Variants in ANKRD44 observed in about 807,000 individuals in gnomAD.
ANKRD44 encodes ankyrin repeat domain 44, also known as serine/threonine-protein phosphatase 6 regulatory ankyrin repeat subunit B.
In ANKRD44, 35 loss-of-function variants were observed where a neutral mutation model predicts 116.0. The observed-to-expected ratio is 0.30, with a 90% confidence interval of 0.23 to 0.40. The LOEUF (loss-of-function observed/expected upper bound fraction) is 0.40, where lower values mean the gene tolerates loss of function less well. ANKRD44 is among the 10% of genes least tolerant of loss of function. The pLI, the probability that ANKRD44 is intolerant of heterozygous loss-of-function variation, is 1.00. For synonymous variants in ANKRD44, 435 were observed against 461.8 expected (o/e 0.94, Z 0.74); for missense variants, 1,014 against 1,242.6 (o/e 0.82, Z 2.77).
intron 16 of ANKRD44, among the ~76,000 whole-genome samples, chr2:197,037,914 C>A (rs1189413860): frequency 2.6e-5 from 4 of 152,006 alleles, no homozygotes; most frequent in Non-Finnish European, 5.9e-5. Flanking sequence ...TGTACTCCAG[C>A]CTGGGCAACA....
chr2:197,127,979 T>A (rs1242577726), intron 4 of ANKRD44, among the ~76,000 whole-genome samples: 2 of 152,196 alleles, frequency 1.3e-5, no homozygotes, highest in African/African-American at 4.8e-5. Context: ...CCATTCGTGT[T>A]CCTGGAAAGG....
chr2:197,014,051 C>T (rs1476701798), intron 17 of ANKRD44, among the ~76,000 whole-genome samples: 2 of 152,148 alleles, frequency 1.3e-5, no homozygotes, highest in African/African-American at 4.8e-5. Flanking sequence ...TTACCATATT[C>T]TTTTATCTGT....
intron 1 of ANKRD44, among the ~76,000 whole-genome samples, chr2:197,205,184 A>G (rs2081178883): frequency 6.6e-6 from 1 of 152,242 alleles, no homozygotes; most frequent in South Asian, 2.1e-4. Context: ...TGTATTTTTA[A>G]AAAGCATCCC....
chr2:196,981,327 A>G lies in ANKRD44; in HGVS notation c.2368+12256T>C, dbSNP rs138911731. On this transcript the variant is annotated intron_variant, in intron 21 of 21. Transcript: ENST00000424317. Reference sequence around the variant, plus strand: ...CTTTGGACTTACCTAGCAAAGCTCTATACCAGGTTAAATTCCACTGTCTTC... The same window carrying G: ...CTTTGGACTTACCTAGCAAAGCTCTGTACCAGGTTAAATTCCACTGTCTTC... Among the ~76,000 whole-genome samples, 782 of 152,326 alleles carry G rather than the reference A, an allele frequency of 5.1e-3. 1 individual carries two copies. Among genetic ancestry groups the G allele is most frequent in the Non-Finnish European group, 7.7e-3 (525 of 68,022 alleles).
chr2:197,219,110 G>T (rs529852845), intron 1 of ANKRD44, among the ~76,000 whole-genome samples: 5 of 137,718 alleles, frequency 3.6e-5, no homozygotes, highest in African/African-American at 1.4e-4. Context: ...TTGCTCTGTC[G>T]CCAGGCTGGA....
At chr2:197,163,639 C>G (rs1005362577) in intron 2 of ANKRD44, among the ~76,000 whole-genome samples, 1 of 152,176 alleles carries the variant, frequency 6.6e-6, no homozygotes, top group African/African-American at 2.4e-5. Flanking sequence ...CCAGGGCAGG[C>G]CCAGTGCTGG....
intron 1 of ANKRD44, among the ~76,000 whole-genome samples, chr2:197,211,417 C>T (rs2081320484): frequency 6.6e-6 from 1 of 152,158 alleles, no homozygotes; most frequent in African/African-American, 2.4e-5. Context: ...GCCAAGGAGC[C>T]AGGATCAACC....
intron 17 of ANKRD44, among the ~76,000 whole-genome samples, chr2:197,018,400 C>G (rs1173659932): frequency 1.3e-5 from 2 of 152,148 alleles, no homozygotes; most frequent in South Asian, 2.1e-4. Flanking sequence ...TGCATGTCCC[C>G]CTCTGGGCCA....
intron 16 of ANKRD44, chr2:197,077,831 T>C (rs371550312): frequency 9.2e-5 from 14 of 152,330 alleles, no homozygotes; most frequent in African/African-American, 2.9e-4. Context: ...GTTTTATAAT[T>C]GTCACAAATA....
intron 1 of ANKRD44, among the ~76,000 whole-genome samples, chr2:197,309,675 G>T (rs1456479295): frequency 6.6e-6 from 1 of 152,168 alleles, no homozygotes; most frequent in African/African-American, 2.4e-5. Context: ...AATAAACGGG[G>T]GTGGGGGTAG....
intron 1 of ANKRD44, among the ~76,000 whole-genome samples, chr2:197,248,280 C>T (rs1471998390): frequency 1.3e-5 from 2 of 151,270 alleles, no homozygotes; most frequent in South Asian, 4.1e-4. Flanking sequence ...CAGTTAAAAA[C>T]CTGAATAGAA....
intron 16 of ANKRD44, chr2:197,077,677 C>T (rs1378482337): frequency 2.0e-5 from 3 of 152,188 alleles, no homozygotes; most frequent in Non-Finnish European, 4.4e-5. Context: ...GAACTTTCAT[C>T]CTGTGTTACA....
At chr2:197,116,185 C>T (rs569877948) in intron 8 of ANKRD44, among the ~76,000 whole-genome samples, 9 of 152,250 alleles carry the variant, frequency 5.9e-5, no homozygotes, top group East Asian at 1.9e-4. Flanking sequence ...AGCAGTAGGC[C>T]GGTGTGCCAG....
At chr2:197,239,013 C>T (rs372001683) in intron 1 of ANKRD44, among the ~76,000 whole-genome samples, 72 of 152,124 alleles carry the variant, frequency 4.7e-4, no homozygotes, top group African/African-American at 1.6e-3. Context: ...CGTGAACCAC[C>T]GTGGCTAGCC....
intron 16 of ANKRD44, among the ~76,000 whole-genome samples, chr2:197,064,845 A>T (rs188718949): frequency 0.046 from 7,042 of 152,190 alleles, 209 homozygotes; most frequent in Non-Finnish European, 0.066. Flanking sequence ...CTCCCACACA[A>T]CAATAATGGG....
intron 2 of ANKRD44, among the ~76,000 whole-genome samples, chr2:197,171,558 C>T (rs1490913768): frequency 6.6e-6 from 1 of 152,084 alleles, no homozygotes; most frequent in Non-Finnish European, 1.5e-5. Flanking sequence ...TTAGGGAGAA[C>T]AAAAGGGATT....
chr2:197,002,803 T>C (rs1431483939), intron 21 of ANKRD44, among the ~76,000 whole-genome samples: 2 of 152,194 alleles, frequency 1.3e-5, no homozygotes, highest in African/African-American at 4.8e-5. Context: ...GCATTGCCAT[T>C]TTGCTTTGCA....
intron 21 of ANKRD44, among the ~76,000 whole-genome samples, chr2:196,971,620 A>C (rs892944334): frequency 2.6e-5 from 4 of 152,222 alleles, no homozygotes; most frequent in African/African-American, 4.8e-5. Context: ...AAAATGCAAT[A>C]AACATTTTGG....
chr2:197,137,246 G>C (rs2079240938), intron 3 of ANKRD44, among the ~76,000 whole-genome samples: 1 of 152,186 alleles, frequency 6.6e-6, no homozygotes, highest in South Asian at 2.1e-4. Flanking sequence ...TTTATAAAAG[G>C]GCTACGAAAG....
Sources: allele counts gnomAD v4.1 joint callset (sites outside exome capture counted in the v4.1 genomes callset), GRCh38; gene constraint gnomAD v4.1.1; transcripts MANE v1.5; gene names NCBI Gene and HGNC (gene_info 2026-07-23, HGNC 2026-07-21).